The following MALRD1 variants were observed in gnomAD, a reference collection of about 807,000 sequenced individuals.
MALRD1 encodes the protein MAM and LDL-receptor class A domain-containing protein 1.
A neutral mutation model predicts 242.1 loss-of-function variants in MALRD1; 247 were observed. The ratio of observed to expected loss-of-function variants is 1.02; its 90% CI spans 0.92 to 1.13. MALRD1 has a LOEUF of 1.13. Among genes scored for constraint, MALRD1 ranks in the 50% most tolerant of loss-of-function variants. MALRD1 has a pLI of 0.00. For missense variants in MALRD1, 2,989 were observed against 2,533.1 expected, an observed-to-expected ratio of 1.18 and a Z score of -3.86; for synonymous variants, 995 against 866.6, an observed-to-expected ratio of 1.15 and a Z score of -2.60.
At chr10:19,570,050 T>C (rs1157975892) in intron 33 of MALRD1, among the ~76,000 whole-genome samples, 2 of 151,966 alleles carry the variant, frequency 1.3e-5, no homozygotes, top group Non-Finnish European at 2.9e-5. Context: ...AAGGTTCATC[T>C]TTCCCAGTGT....
intron 29 of MALRD1, among the ~76,000 whole-genome samples, chr10:19,473,549 C>G (rs143526752): frequency 6.6e-6 from 1 of 152,024 alleles, no homozygotes; most frequent in African/African-American, 2.4e-5. Flanking sequence ...ACTCTGGGTG[C>G]CACACATGAG....
chr10:19,358,338 A>G (rs1203782011), intron 26 of MALRD1, among the ~76,000 whole-genome samples: 1 of 152,066 alleles, frequency 6.6e-6, no homozygotes, highest in African/African-American at 2.4e-5. Context: ...TAAAACAATG[A>G]GGACTGAATA....
At chr10:19,271,378 G>T (rs1372931313) in intron 19 of MALRD1, among the ~76,000 whole-genome samples, 2 of 152,176 alleles carry the variant, frequency 1.3e-5, no homozygotes, top group Non-Finnish European at 2.9e-5. Context: ...TACAGAGAAA[G>T]CTTCCATTCA....
At chr10:19,396,624 A>G (rs1846592045) in intron 28 of MALRD1, among the ~76,000 whole-genome samples, 2 of 152,188 alleles carry the variant, frequency 1.3e-5, no homozygotes, top group Non-Finnish European at 2.9e-5. Flanking sequence ...CATACTCTTA[A>G]CCACTATACT....
chr10:19,407,158 C>T (rs1833062807), intron 28 of MALRD1, among the ~76,000 whole-genome samples: 1 of 152,022 alleles, frequency 6.6e-6, no homozygotes, highest in South Asian at 2.1e-4. Context: ...TTGTAACCAC[C>T]ATATACTACT....
At chr10:19,674,780 A>T (rs1842067427) in intron 36 of MALRD1, among the ~76,000 whole-genome samples, 1 of 152,178 alleles carries the variant, frequency 6.6e-6, no homozygotes, top group African/African-American at 2.4e-5. Flanking sequence ...CCTTAAAACA[A>T]GACTGGTTTC....
At chr10:19,572,291 C>T (rs890275837) in intron 33 of MALRD1, among the ~76,000 whole-genome samples, 4 of 152,100 alleles carry the variant, frequency 2.6e-5, no homozygotes, top group African/African-American at 9.7e-5. Context: ...TGTGAGTTTC[C>T]AAGAGAGAAA....
chr10:19,706,210 A>G (rs887797075), intron 38 of MALRD1, among the ~76,000 whole-genome samples: 3 of 152,250 alleles, frequency 2.0e-5, no homozygotes, highest in Non-Finnish European at 4.4e-5. Context: ...GAACACAGCT[A>G]GAGACTCTGG....
chr10:19,605,369 T>C (rs986127816), intron 34 of MALRD1, among the ~76,000 whole-genome samples: 2 of 151,572 alleles, frequency 1.3e-5, no homozygotes, highest in African/African-American at 4.8e-5. Flanking sequence ...GAGTTCACCA[T>C]GTTGGCCAGG....
chr10:19,170,129 T>C (rs1208644041), intron 13 of MALRD1, among the ~76,000 whole-genome samples: 1 of 152,250 alleles, frequency 6.6e-6, no homozygotes, highest in Non-Finnish European at 1.5e-5. Context: ...CTGTTTTCTC[T>C]GTAAGAACAG....
chr10:19,201,893 G>A (rs1836555715), intron 14 of MALRD1, among the ~76,000 whole-genome samples: 1 of 152,058 alleles, frequency 6.6e-6, no homozygotes, highest in African/African-American at 2.4e-5. Context: ...TCAGCTCACT[G>A]CAACCTCAGC....
chr10:19,158,720 T>C (rs887775260), intron 12 of MALRD1, among the ~76,000 whole-genome samples: 2 of 152,182 alleles, frequency 1.3e-5, no homozygotes, highest in Admixed American at 1.3e-4. Context: ...ACATGCTTGC[T>C]CTAACAAAAT....
At position 19,378,557 on chromosome 10, in the gene MALRD1, A is replaced by G. The variant is rs1261821878; in HGVS notation, c.4442-8971A>G. On this transcript the variant is annotated intron_variant, in intron 26 of 39. Transcript: ENST00000454679. ...TGATGTGTGCCAGATATTTCAGAAGACAAATATTTTTTGTTTATGTCTTTT... is the reference window on the plus strand; with the variant it reads ...TGATGTGTGCCAGATATTTCAGAAGGCAAATATTTTTTGTTTATGTCTTTT... Among the ~76,000 whole-genome samples, 5 of 152,138 alleles carry G rather than the reference A, an allele frequency of 3.3e-5. No homozygotes were observed. The South Asian group carries it at 1.0e-3, about 32-fold the overall frequency.
At chr10:19,148,788 A>AAAAAAAATATATATAT (rs1206724666) in intron 11 of MALRD1, among the ~76,000 whole-genome samples, 1 of 88,016 alleles carries the variant, frequency 1.1e-5, no homozygotes. Flanking sequence ...AAAAAAAAAA[A>AAAAAAAATATATATAT]ATATATATAT....
intron 38 of MALRD1, among the ~76,000 whole-genome samples, chr10:19,715,014 C>T (rs1263807198): frequency 6.6e-6 from 1 of 152,140 alleles, no homozygotes; most frequent in South Asian, 2.1e-4. Context: ...TTTGATGTAT[C>T]TTCTTTTGAA....
At chr10:19,429,619 G>C (rs72784336) in intron 28 of MALRD1, among the ~76,000 whole-genome samples, 3,115 of 152,140 alleles carry the variant, frequency 0.02, 52 homozygotes, top group Non-Finnish European at 0.033. Flanking sequence ...CCTGTGTCCA[G>C]TTGCTGCTAA....
intron 38 of MALRD1, among the ~76,000 whole-genome samples, chr10:19,696,931 C>G (rs576776854): frequency 6.6e-6 from 1 of 151,962 alleles, no homozygotes; most frequent in Admixed American, 6.6e-5. Context: ...AAAAGACTAT[C>G]TTATTCATTA....
intron 22 of MALRD1, among the ~76,000 whole-genome samples, chr10:19,326,910 C>A (rs1030802230): frequency 2.6e-5 from 4 of 152,018 alleles, no homozygotes; most frequent in African/African-American, 7.2e-5. Flanking sequence ...CTCCTTTGAG[C>A]CTTAGTTACT....
intron 26 of MALRD1, among the ~76,000 whole-genome samples, chr10:19,382,523 T>C (rs938329260): frequency 1.3e-5 from 2 of 152,222 alleles, no homozygotes; most frequent in Non-Finnish European, 2.9e-5. Flanking sequence ...TTAATTTTAG[T>C]AACTCTGTGA....
Sources: gnomAD v4.1 joint callset for allele counts (sites outside exome capture counted in the v4.1 genomes callset) on GRCh38, gnomAD v4.1.1 for gene constraint, MANE v1.5 for transcripts, NCBI Gene and HGNC (gene_info 2026-07-23, HGNC 2026-07-21) for gene names.